Variants in ZC3H12B observed in about 807,000 individuals in gnomAD.
The protein encoded by ZC3H12B is zinc finger CCCH-type containing 12B.
A neutral mutation model predicts 43.9 loss-of-function variants in ZC3H12B; 7 were observed. That is an observed-to-expected ratio of 0.16 (90% CI 0.09 to 0.30). The LOEUF (loss-of-function observed/expected upper bound fraction) is 0.30, where lower values mean the gene tolerates loss of function less well. Among genes scored for constraint, ZC3H12B ranks in the 10% least tolerant of loss-of-function variants. The probability of loss-of-function intolerance (pLI) is 1.00; values close to 1 mark genes in which losing one functional copy is unlikely to be tolerated. For synonymous variants in ZC3H12B, 222 were observed against 241.7 expected, an observed-to-expected ratio of 0.92 and a Z score of 0.76; for missense variants, 475 against 670.2, an observed-to-expected ratio of 0.71 and a Z score of 3.22.
chrX:65,434,772 G>A (rs1403034161), intron 3 of ZC3H12B, among the ~76,000 whole-genome samples: 1 of 111,086 alleles, frequency 9.0e-6, no homozygotes, highest in Non-Finnish European at 1.9e-5. Flanking sequence ...GGTGAGTCCT[G>A]AGGAGAATCA....
At chrX:65,289,632 G>T in the ZC3H12B span, among the ~76,000 whole-genome samples, 1 of 109,384 alleles carries the variant, frequency 9.1e-6, no homozygotes, top group Non-Finnish European at 1.9e-5. Flanking sequence ...CATGGTATTG[G>T]TAAAAAATAG....
upstream of ZC3H12B, among the ~76,000 whole-genome samples, chrX:65,366,159 A>G (rs772663010): frequency 9.2e-6 from 1 of 108,799 alleles, no homozygotes; most frequent in Admixed American, 9.9e-5. Context: ...CTTGGTAAAT[A>G]TAGAATGAAA....
At chrX:65,159,996 C>A in the ZC3H12B span, among the ~76,000 whole-genome samples, 1 of 111,740 alleles carries the variant, frequency 8.9e-6, no homozygotes, top group Non-Finnish European at 1.9e-5. Flanking sequence ...TTGTCAAAGG[C>A]CTTTTCTGCA....
chrX:65,183,037 A>G, the ZC3H12B span, among the ~76,000 whole-genome samples: 10 of 111,981 alleles, frequency 8.9e-5, no homozygotes, highest in Non-Finnish European at 1.9e-4. Flanking sequence ...AACTTAAAAC[A>G]GAATTGCCAT....
At chrX:65,329,114 G>A in the ZC3H12B span, among the ~76,000 whole-genome samples, 14 of 111,195 alleles carry the variant, frequency 1.3e-4, no homozygotes, top group Non-Finnish European at 2.4e-4. Flanking sequence ...GATCCCTGAG[G>A]AATCGCCACA....
chrX:65,283,801 G>A, the ZC3H12B span, among the ~76,000 whole-genome samples: 2 of 111,817 alleles, frequency 1.8e-5, no homozygotes, highest in Non-Finnish European at 3.8e-5. Flanking sequence ...GGAGCATTAT[G>A]GAAATTTGGG....
chrX:65,416,122 C>G (rs1171751472), intron 3 of ZC3H12B, among the ~76,000 whole-genome samples: 1 of 111,932 alleles, frequency 8.9e-6, no homozygotes, highest in Non-Finnish European at 1.9e-5. Flanking sequence ...CCCATGACCA[C>G]ACATTTCTAT....
chrX:65,487,991 C>T (rs954539935), upstream of ZC3H12B, among the ~76,000 whole-genome samples: 30 of 111,887 alleles, frequency 2.7e-4, no homozygotes, highest in Non-Finnish European at 5.6e-4. Context: ...CCTGCCTCAG[C>T]CTCCCGAGTA....
chrX:65,176,797 A>G, the ZC3H12B span, among the ~76,000 whole-genome samples: 1 of 111,613 alleles, frequency 9.0e-6, no homozygotes, highest in East Asian at 2.8e-4. Context: ...ATAGCCTACC[A>G]ACCAAAAAAA....
chrX:65,431,420 T>C (rs1363062390), intron 3 of ZC3H12B, among the ~76,000 whole-genome samples: 2 of 112,504 alleles, frequency 1.8e-5, no homozygotes, highest in Non-Finnish European at 3.8e-5. Flanking sequence ...GATTGGGGAC[T>C]CAGTGGTGGC....
the ZC3H12B span, among the ~76,000 whole-genome samples, chrX:65,095,950 T>G: frequency 9.0e-6 from 1 of 111,175 alleles, no homozygotes. Flanking sequence ...CTGCAGTTTC[T>G]TTTAAACTGT....
chrX:65,269,243 G>A, the ZC3H12B span, among the ~76,000 whole-genome samples: 2 of 109,830 alleles, frequency 1.8e-5, no homozygotes, highest in Non-Finnish European at 3.8e-5. Context: ...GACTCAAGAG[G>A]CTGAGGCAGG....
At chrX:65,423,816 G>A (rs1220382733) in intron 3 of ZC3H12B, among the ~76,000 whole-genome samples, 1 of 111,797 alleles carries the variant, frequency 8.9e-6, no homozygotes, top group Non-Finnish European at 1.9e-5. Flanking sequence ...TGTTCACTCT[G>A]ATGATAGTTC....
chrX:65,426,602 A>G (rs2067087140), intron 3 of ZC3H12B, among the ~76,000 whole-genome samples: 1 of 110,757 alleles, frequency 9.0e-6, no homozygotes, highest in African/African-American at 3.3e-5. Context: ...TGATGTGGGC[A>G]TTTAGTGCTA....
the ZC3H12B span, among the ~76,000 whole-genome samples, chrX:65,329,417 G>T: frequency 1.2e-3 from 123 of 106,389 alleles, no homozygotes; most frequent in Middle Eastern, 4.6e-3. Context: ...TCTTGTAAAT[G>T]TGTTTGAGTT....
the ZC3H12B span, among the ~76,000 whole-genome samples, chrX:65,304,814 A>G: frequency 9.0e-6 from 1 of 111,580 alleles, no homozygotes; most frequent in Non-Finnish European, 1.9e-5. Flanking sequence ...AATGATCAAT[A>G]AAGAAAAATA....
intron 3 of ZC3H12B, among the ~76,000 whole-genome samples, chrX:65,401,100 C>A (rs1008770214): frequency 9.2e-6 from 1 of 108,812 alleles, no homozygotes. Context: ...AAAAAAAACA[C>A]CTTCATTAGA....
intron 3 of ZC3H12B, among the ~76,000 whole-genome samples, chrX:65,434,138 T>A (rs2067193868): frequency 9.0e-6 from 1 of 111,643 alleles, no homozygotes; most frequent in Non-Finnish European, 1.9e-5. Flanking sequence ...TGGGATCCTA[T>A]TACTCCCATT....
chrX:65,451,837 A>G (rs1448228810), intron 3 of ZC3H12B, among the ~76,000 whole-genome samples: 2 of 111,865 alleles, frequency 1.8e-5, no homozygotes, highest in African/African-American at 6.5e-5. Context: ...TTTCTTTTTC[A>G]GGAGCTTATA....
Sources: gnomAD v4.1 joint callset for allele counts (sites outside exome capture counted in the v4.1 genomes callset) on GRCh38, gnomAD v4.1.1 for gene constraint, MANE v1.5 for transcripts, NCBI Gene and HGNC (gene_info 2026-07-23, HGNC 2026-07-21) for gene names.